Variants in DNASE1L3 observed in about 807,000 individuals in gnomAD.
The protein encoded by DNASE1L3 is deoxyribonuclease 1L3, also known as deoxyribonuclease gamma.
DNASE1L3 carries 27 observed loss-of-function variants against 30.9 expected under a neutral mutation model. That is an observed-to-expected ratio of 0.87 (90% confidence interval 0.64 to 1.20). The LOEUF (loss-of-function observed/expected upper bound fraction) is 1.20. Among genes scored for constraint, DNASE1L3 ranks in the 50% most tolerant of loss-of-function variants. DNASE1L3 has a pLI of 0.00. For missense variants in DNASE1L3, 364 were observed against 378.2 expected, an observed-to-expected ratio of 0.96 and a Z score of 0.31; for synonymous variants, 135 against 138.0, an observed-to-expected ratio of 0.98 and a Z score of 0.15.
chr3:58,202,114 T>C (rs1172826710), intron 4 of DNASE1L3, among the ~76,000 whole-genome samples: 1 of 151,864 alleles, frequency 6.6e-6, no homozygotes, highest in Non-Finnish European at 1.5e-5. Context: ...TGCATATATT[T>C]ATGGTTGTAT....
intron 1 of DNASE1L3, 140 bp from the exon 2 acceptor site, chr3:58,208,446 C>T (rs1434195866): frequency 1.2e-6 from 1 of 832,536 alleles, no homozygotes; most frequent in Non-Finnish European, 1.9e-6. Flanking sequence ...TGAAGGACTC[C>T]CTGAGGTAGG....
At chr3:58,199,032 C>T (rs1446649076) in intron 5 of DNASE1L3, among the ~76,000 whole-genome samples, 1 of 152,094 alleles carries the variant, frequency 6.6e-6, no homozygotes, top group Non-Finnish European at 1.5e-5. Context: ...GCCAGATTTC[C>T]TTGTTTGTGC....
At chr3:58,194,183 G>A (rs980468594) in intron 6 of DNASE1L3, among the ~76,000 whole-genome samples, 15 of 152,134 alleles carry the variant, frequency 9.9e-5, no homozygotes, top group Admixed American at 2.0e-4. Flanking sequence ...TGTGGTCTAC[G>A]TGGTCCTGAG....
At position 58,200,789 on chromosome 3, in the gene DNASE1L3, G is replaced by C. The variant is rs2097400078; in HGVS notation, c.546+208C>G. 6.6e-6 allele frequency among the ~76,000 whole-genome samples: 1 copy of C among 152,180 alleles called. No homozygotes were observed. Among genetic ancestry groups the C allele is most frequent in the Non-Finnish European group, 1.5e-5 (1 of 68,018 alleles). On this transcript the variant is annotated intron_variant, in intron 5 of 7. Coordinates refer to ENST00000394549, the MANE Select transcript of DNASE1L3 (RefSeq NM_004944.4). This position sits in a 1 kb window ranked among gnomAD's most constrained non-coding sequence, Gnocchi z 4.2. ...CATCTGTTATTAATGGGAAAGTGTG[G>C]CAATTCCCAAGGCCCACATGCAGGG... is the stretch of plus-strand genomic sequence containing the variant.
At position 58,210,928 on chromosome 3, in the gene DNASE1L3, A is replaced by C. The variant is rs1317834355; in HGVS notation, c.-22T>G. On this transcript the variant is annotated 5_prime_UTR_variant, in exon 1 of 8. Coordinates refer to ENST00000394549, the MANE Select transcript of DNASE1L3 (RefSeq NM_004944.4). ...ACATCCTGGCGCTGCTCTGGCTTCA[A>C]GACTCTGTGAGAAGACAGCAGTGCT... 1.9e-6 allele frequency: 3 copies of C among 1,612,506 alleles called. No homozygotes were observed.
rs774817141 is a variant in DNASE1L3 at position 58,192,729 on chromosome 3, T to C, written c.876A>G (p.Lys292=). The C allele has an allele frequency of 6.2e-7, 1 of 1,614,078 alleles. No homozygotes were observed. Among genetic ancestry groups the C allele is most frequent in the South Asian group, 1.1e-5 (1 of 91,074 alleles). The change falls in exon 8 of 8, where the codon AAA becomes AAG. Residue 292 remains lysine, a synonymous_variant. Coordinates refer to ENST00000394549, the MANE Select transcript of DNASE1L3 (RefSeq NM_004944.4). This position sits in a 1 kb window ranked among gnomAD's most constrained non-coding sequence, Gnocchi z 4.8. ...TTGTTTTCTTCCTTAGAGTGACAGATTTTTTGCTGTTGGTGAAGGCCCTTG... is the reference window on the plus strand; with the variant it reads ...TTGTTTTCTTCCTTAGAGTGACAGACTTTTTGCTGTTGGTGAAGGCCCTTG... ...QSSRAFTNSK[K]SVTLRKKTKS...
At chr3:58,196,020 A>T (rs4681817) in intron 6 of DNASE1L3, among the ~76,000 whole-genome samples, 48,749 of 151,964 alleles carry the variant, frequency 0.32, 8,028 homozygotes, top group Middle Eastern at 0.37. Context: ...ATCATTTTCA[A>T]TCACTTCCCA....
chr3:58,195,613 C>CAAAAAAA lies in DNASE1L3; in HGVS notation c.705-2181_705-2175dup, dbSNP rs34773952. Among the ~76,000 whole-genome samples, 24 of 38,442 alleles carry CAAAAAAA rather than the reference C, an allele frequency of 6.2e-4. 2 individuals are homozygous for CAAAAAAA. Among genetic ancestry groups the CAAAAAAA allele is most frequent in the African/African-American group, 1.2e-3 (14 of 11,440 alleles). The allele number at this position is 38,442 out of a possible 152,430, so 25.2% of individuals were successfully genotyped here. ...CGAAACCCCATCTCTACTAAAATTA[C>CAAAAAAA]AAAAAAAAAAAAAAAAAAAAAAAAA... On this transcript the variant is annotated intron_variant, in intron 6 of 7. Transcript: ENST00000394549.
Position 58,198,195 on chromosome 3 carries a change from C to T in DNASE1L3, c.547-217G>A, listed in dbSNP as rs1193130273. On this transcript the variant is annotated intron_variant, in intron 5 of 7. Transcript: ENST00000394549. ...ATGCGACTGTATTTGGAGATAGAACCTTTCAAGAGGGAATTAAGGTAAAAT... is the reference window on the plus strand; with the variant it reads ...ATGCGACTGTATTTGGAGATAGAACTTTTCAAGAGGGAATTAAGGTAAAAT... Among the ~76,000 whole-genome samples the T allele has an allele frequency of 2.6e-5, 4 of 152,146 alleles. No homozygotes were observed. In the East Asian group the frequency reaches 5.8e-4, roughly 22 times the overall value.
chr3:58,192,625 A>G lies in DNASE1L3; in HGVS notation c.*62T>C. 6.6e-7 allele frequency: 1 copy of G among 1,515,090 alleles called. No individual in the cohort carries two copies. 93.9% of individuals were successfully genotyped at this position (1,515,090 alleles called of 1,614,324 possible). The stretch of plus-strand genomic sequence containing the variant: ...GTTTCCTAAGTACAGGGAGCAGTTC[A>G]TATCTGTTAGAGACATTTTATTTAG... On this transcript the variant is annotated 3_prime_UTR_variant, in exon 8 of 8. Transcript: ENST00000394549. The surrounding 1 kb of genome is among the most constrained non-coding windows in gnomAD (Gnocchi z 4.8).
intron 4 of DNASE1L3, among the ~76,000 whole-genome samples, chr3:58,203,389 C>G (rs1348644222): frequency 2.0e-5 from 3 of 152,338 alleles, no homozygotes; most frequent in Admixed American, 1.3e-4. Context: ...TTCTTCAGGT[C>G]ACAGCCCAAT....
At position 58,206,659 on chromosome 3, in the gene DNASE1L3, C is replaced by T. The variant is rs561809442; in HGVS notation, c.231-1099G>A. Among the ~76,000 whole-genome samples the T allele has an allele frequency of 8.5e-5, 13 of 152,290 alleles. No individual in the cohort carries two copies. The South Asian group carries it at 2.5e-3, about 29-fold the overall frequency. On this transcript the variant is annotated intron_variant, in intron 2 of 7. Coordinates refer to ENST00000394549, the MANE Select transcript of DNASE1L3 (RefSeq NM_004944.4). ...GCCAAGACCACTGGTGGTGAAAAGACTCGCCCCAGACTGACTGTGGAGGAG... is the reference window on the plus strand; with the variant it reads ...GCCAAGACCACTGGTGGTGAAAAGATTCGCCCCAGACTGACTGTGGAGGAG...
rs1026530436 is a variant in DNASE1L3 at position 58,207,445 on chromosome 3, C to G, written c.230+773G>C. ...TCACCACAGCTCTCTGATCACACCC[C>G]CCCCCCCCCCACCAGAAGTAACCAC... On this transcript the variant is annotated intron_variant, in intron 2 of 7. Coordinates refer to ENST00000394549, the MANE Select transcript of DNASE1L3 (RefSeq NM_004944.4). 1.1e-4 allele frequency among the ~76,000 whole-genome samples: 4 copies of G among 36,418 alleles called. 1 individual carries two copies. The highest frequency in any genetic ancestry group is 1.0e-3 in the Admixed American group (4 of 3,878). The allele number at this position is 36,418 out of a possible 152,430, so 23.9% of individuals were successfully genotyped here. A position where few individuals can be genotyped will look rare whatever the true frequency, so the allele number is the denominator to read the frequency against.
rs78492315 is a variant in DNASE1L3, at chr3:58,205,744, C to T, written c.231-184G>A. ...ATTGGCTGGAATGTGGCATCTGCCA[C>T]GATCTTTACAGCCATTATTTCTTGC... On this transcript the variant is annotated intron_variant, in intron 2 of 7. Coordinates refer to ENST00000394549, the MANE Select transcript of DNASE1L3 (RefSeq NM_004944.4). Among the ~76,000 whole-genome samples the T allele has an allele frequency of 4.1e-3, 627 of 152,370 alleles. 7 individuals carry two copies. Among genetic ancestry groups the T allele is most frequent in the African/African-American group, 0.014 (600 of 41,586 alleles).
chr3:58,204,724 G>C (rs749783808), intron 4 of DNASE1L3, 45 bp downstream of exon 4: 1 of 1,554,070 alleles, frequency 6.4e-7, no homozygotes, highest in Non-Finnish European at 8.9e-7. Context: ...CGCATTCATG[G>C]GCCGTTGGGG....
intron 2 of DNASE1L3, 50 bp from the exon 3 acceptor site, chr3:58,205,610 A>G (rs371009421): frequency 4.1e-6 from 6 of 1,473,588 alleles, no homozygotes; most frequent in South Asian, 2.3e-5. Context: ...ACATTCCCCT[A>G]CTGTACATGT....
chr3:58,203,950 C>G (rs935631022), intron 4 of DNASE1L3, among the ~76,000 whole-genome samples: 2 of 152,112 alleles, frequency 1.3e-5, no homozygotes, highest in African/African-American at 2.4e-5. Context: ...TACTCCCTAC[C>G]TTGTAGTCAT....
At position 58,208,315 on chromosome 3, in the gene DNASE1L3, AAG is replaced by A; in HGVS notation, c.142-11_142-10del. The A allele has an allele frequency of 6.2e-7, 1 of 1,614,154 alleles. No homozygotes were observed. Among genetic ancestry groups the A allele is most frequent in the Non-Finnish European group, 8.5e-7 (1 of 1,179,966 alleles). On this transcript the variant is annotated splice_polypyrimidine_tract_variant and intron_variant, in intron 1 of 7. Coordinates refer to ENST00000394549, the MANE Select transcript of DNASE1L3 (RefSeq NM_004944.4). Reference sequence around the variant, plus strand: ...TCACAGCGTTTGATGACCTGCAAGAAAGAGAATTCCCAGGGGTTTGAGGTCAT... The same window carrying A: ...TCACAGCGTTTGATGACCTGCAAGAAAGAATTCCCAGGGGTTTGAGGTCAT...
At position 58,192,961 on chromosome 3, in the gene DNASE1L3, C is replaced by A; in HGVS notation, c.802-158G>T. 6.9e-7 allele frequency: 1 copy of A among 1,439,418 alleles called. No homozygotes were observed. Among genetic ancestry groups the A allele is most frequent in the Non-Finnish European group, 9.1e-7 (1 of 1,103,510 alleles). 89.2% of individuals were successfully genotyped at this position (1,439,418 alleles called of 1,614,324 possible). Reference sequence around the variant, plus strand: ...GGTAAGCGTCATTCCAAGACCAGCTCGATCAGAAATTTTGGAGGGGCCTCA... The same window carrying A: ...GGTAAGCGTCATTCCAAGACCAGCTAGATCAGAAATTTTGGAGGGGCCTCA... On this transcript the variant is annotated intron_variant, in intron 7 of 7. Transcript: ENST00000394549. This position sits in a 1 kb window ranked among gnomAD's most constrained non-coding sequence, Gnocchi z 4.8.
Sources: gnomAD v4.1 joint callset for allele counts (sites outside exome capture counted in the v4.1 genomes callset) on GRCh38, gnomAD v4.1.1 for gene constraint, Gnocchi (gnomAD v3.1) non-coding constraint, MANE v1.5 for transcripts, NCBI Gene and HGNC (gene_info 2026-07-23, HGNC 2026-07-21) for gene names.